PRR5L: variants seen among roughly 807,000 people sequenced by gnomAD.
PRR5L encodes the protein proline rich 5 like.
PRR5L carries 21 observed loss-of-function variants against 36.4 expected under a neutral mutation model. That is an observed-to-expected ratio of 0.58 (90% confidence interval 0.41 to 0.83). PRR5L has a LOEUF of 0.83. Among genes scored for constraint, PRR5L ranks in the 40% least tolerant of loss-of-function variants. PRR5L has a pLI of 0.00. For missense variants in PRR5L, 381 were observed against 473.3 expected (o/e 0.80, Z 1.81); for synonymous variants, 188 against 197.0 (o/e 0.95, Z 0.38).
At chr11:36,374,940 C>A (rs1857238599) in intron 1 of PRR5L, among the ~76,000 whole-genome samples, 2 of 152,168 alleles carry the variant, frequency 1.3e-5, no homozygotes, top group South Asian at 4.1e-4. Context: ...TGCTCATTGT[C>A]CTCTCAGTTT....
intron 1 of PRR5L, among the ~76,000 whole-genome samples, chr11:36,354,056 C>T (rs528978110): frequency 3.9e-4 from 59 of 152,232 alleles, no homozygotes; most frequent in Non-Finnish European, 6.9e-4. Flanking sequence ...AGGCATTGGG[C>T]GGCTGAGACA....
At chr11:36,355,554 T>C (rs1490889466) in intron 1 of PRR5L, among the ~76,000 whole-genome samples, 2 of 149,172 alleles carry the variant, frequency 1.3e-5, no homozygotes, top group African/African-American at 5.0e-5. Context: ...TTTGCTTTTT[T>C]TTTTTTTTTT....
intron 8 of PRR5L, among the ~76,000 whole-genome samples, chr11:36,452,902 A>G (rs1858973168): frequency 6.6e-6 from 1 of 152,256 alleles, no homozygotes; most frequent in African/African-American, 2.4e-5. Flanking sequence ...TCATACATAC[A>G]TGGGTCACAC....
At chr11:36,365,237 G>C (rs761429123) in intron 1 of PRR5L, among the ~76,000 whole-genome samples, 3 of 151,974 alleles carry the variant, frequency 2.0e-5, no homozygotes, top group African/African-American at 4.8e-5. Context: ...TTCTGCAGTG[G>C]AAACTGAAGC....
At chr11:36,351,298 A>ATATATATTTATGTATATTTATATATT (rs1565407355) in intron 1 of PRR5L, among the ~76,000 whole-genome samples, 2 of 5,410 alleles carry the variant, frequency 3.7e-4, no homozygotes, top group Non-Finnish European at 7.0e-4. Flanking sequence ...TTATATATTT[A>ATATATATTTATGTATATTTATATATT]TATATATATT....
chr11:36,461,297 GCA>G (rs1859173172), intron 8 of PRR5L, among the ~76,000 whole-genome samples: 2 of 152,032 alleles, frequency 1.3e-5, no homozygotes, highest in African/African-American at 4.8e-5. Flanking sequence ...TCTAGGTTTA[GCA>G]CAGTTTTTGG....
intron 1 of PRR5L, chr11:36,380,558 CG>C (rs1565429980): frequency 6.6e-6 from 1 of 151,854 alleles, no homozygotes; most frequent in African/African-American, 2.4e-5. Context: ...ATTTCATGTA[CG>C]GGAGAGAGAA....
Position 36,351,389 on chromosome 11 carries a change from A to ATATATATATTTATAAATATATATG in PRR5L, c.-125-49593_-125-49570dup, listed in dbSNP as rs1302715921. 1.6e-4 allele frequency among the ~76,000 whole-genome samples: 14 copies of ATATATATATTTATAAATATATATG among 88,666 alleles called. 1 individual carries two copies. Among genetic ancestry groups the ATATATATATTTATAAATATATATG allele is most frequent in the Admixed American group, 4.1e-4 (2 of 4,896 alleles). The allele number at this position is 88,666 out of a possible 152,430, so 58.2% of individuals were successfully genotyped here. On this transcript the variant is annotated intron_variant, in intron 1 of 8. Coordinates refer to ENST00000530639, the MANE Select transcript of PRR5L (RefSeq NM_001160167.2). Reference sequence around the variant, plus strand: ...ATATATATACATATATATCAAATAAATATATATATTTATAAATATATATGT... The same window carrying ATATATATATTTATAAATATATATG: ...ATATATATACATATATATCAAATAAATATATATATTTATAAATATATATGTATATATATTTATAAATATATATGT...
At chr11:36,370,051 G>A (rs1857182755) in intron 1 of PRR5L, among the ~76,000 whole-genome samples, 1 of 152,170 alleles carries the variant, frequency 6.6e-6, no homozygotes, top group Non-Finnish European at 1.5e-5. Context: ...TCATGGCAGT[G>A]GTGACTTCCC....
intron 1 of PRR5L, among the ~76,000 whole-genome samples, chr11:36,364,789 T>C (rs1857127443): frequency 6.6e-6 from 1 of 152,166 alleles, no homozygotes; most frequent in South Asian, 2.1e-4. Flanking sequence ...AGAGCTCAGC[T>C]CTCCCGTGTT....
chr11:36,351,384 AATAAATATATATATTT>A (rs1231451013), intron 1 of PRR5L, among the ~76,000 whole-genome samples: 4 of 82,924 alleles, frequency 4.8e-5, no homozygotes, highest in Non-Finnish European at 6.1e-5. Flanking sequence ...ATATATATCA[AATAAATATATATATTT>A]ATAAATATAT....
intron 1 of PRR5L, among the ~76,000 whole-genome samples, chr11:36,381,096 C>T (rs1857359306): frequency 6.6e-6 from 1 of 152,192 alleles, no homozygotes; most frequent in Non-Finnish European, 1.5e-5. Context: ...TTCTTTTTCT[C>T]CCCTCAATTT....
chr11:36,408,167 A>AT (rs1353879270), intron 3 of PRR5L, among the ~76,000 whole-genome samples: 1 of 151,868 alleles, frequency 6.6e-6, no homozygotes, highest in Admixed American at 6.6e-5. Context: ...CCAGCCAGCT[A>AT]TTTTTGGGAG....
intron 1 of PRR5L, among the ~76,000 whole-genome samples, chr11:36,356,005 A>G (rs543397023): frequency 8.6e-5 from 13 of 151,026 alleles, no homozygotes; most frequent in Non-Finnish European, 1.8e-4. Context: ...TTGACCTCCC[A>G]GGCTCAAATG....
At chr11:36,417,903 G>C (rs1318552701) in intron 3 of PRR5L, among the ~76,000 whole-genome samples, 1 of 152,160 alleles carries the variant, frequency 6.6e-6, no homozygotes, top group East Asian at 1.9e-4. Flanking sequence ...ATCATGAAGG[G>C]TTTACTCACT....
intron 8 of PRR5L, chr11:36,453,902 G>A (rs1334872356): frequency 6.6e-6 from 1 of 152,452 alleles, no homozygotes; most frequent in Non-Finnish European, 1.5e-5. Context: ...GGAGGAGCTT[G>A]GGAGGGTTTG....
At chr11:36,327,159 G>A (rs998071071) in intron 1 of PRR5L, among the ~76,000 whole-genome samples, 2 of 152,206 alleles carry the variant, frequency 1.3e-5, no homozygotes, top group African/African-American at 2.4e-5. Context: ...TTCAGTAATT[G>A]AGGAACTGCA....
At chr11:36,426,295 C>A (rs1031043411) in intron 4 of PRR5L, among the ~76,000 whole-genome samples, 5 of 144,822 alleles carry the variant, frequency 3.5e-5, no homozygotes, top group Non-Finnish European at 7.9e-5. Context: ...CTAATCTAAT[C>A]TTCTAATCTT....
At chr11:36,305,849 A>G (rs970947517) in intron 1 of PRR5L, among the ~76,000 whole-genome samples, 1 of 152,236 alleles carries the variant, frequency 6.6e-6, no homozygotes, top group Non-Finnish European at 1.5e-5. Flanking sequence ...CATTCAGTTT[A>G]TGGCGTTTTG....
Sources: allele counts gnomAD v4.1 joint callset (sites outside exome capture counted in the v4.1 genomes callset), GRCh38; gene constraint gnomAD v4.1.1; transcripts MANE v1.5; gene names NCBI Gene and HGNC (gene_info 2026-07-23, HGNC 2026-07-21).